The following RARB variants were observed in gnomAD, a reference collection of about 807,000 sequenced individuals.
The protein encoded by RARB is retinoic acid receptor beta.
A neutral mutation model predicts 51.9 loss-of-function variants in RARB; 17 were observed. That is an observed-to-expected ratio of 0.33 (90% CI 0.22 to 0.49). RARB has a LOEUF of 0.49. RARB is among the 20% of genes least tolerant of loss of function. RARB has a pLI of 0.99. For synonymous variants in RARB, 215 were observed against 195.4 expected (o/e 1.10, Z -0.84); for missense variants, 369 against 550.8 (o/e 0.67, Z 3.30).
chr3:25,178,527 AC>A (rs1213948974), intron 5 of RARB, among the ~76,000 whole-genome samples: 2 of 151,564 alleles, frequency 1.3e-5, no homozygotes, highest in Non-Finnish European at 2.9e-5. Context: ...CCAAATCCAG[AC>A]CCCGAGACCC....
chr3:25,022,913 G>A (rs1697668492), intron 2 of RARB, among the ~76,000 whole-genome samples: 1 of 152,166 alleles, frequency 6.6e-6, no homozygotes. Flanking sequence ...CAGAACCTCA[G>A]AGAACTAAGG....
chr3:25,035,420 C>A (rs1024293563), intron 2 of RARB, among the ~76,000 whole-genome samples: 1 of 119,586 alleles, frequency 8.4e-6, no homozygotes, highest in East Asian at 2.2e-4. Context: ...CTGCGTCCAG[C>A]CTTTTTTTTT....
chr3:25,518,707 C>T (rs1034987139), intron 3 of RARB, among the ~76,000 whole-genome samples: 1 of 152,086 alleles, frequency 6.6e-6, no homozygotes, highest in Non-Finnish European at 1.5e-5. Flanking sequence ...TCAAATAATG[C>T]ATTTATGGGT....
At chr3:25,500,828 A>C (rs1559437019) in intron 2 of RARB, among the ~76,000 whole-genome samples, 2 of 152,124 alleles carry the variant, frequency 1.3e-5, no homozygotes, top group African/African-American at 4.8e-5. Flanking sequence ...TTTTCTTGGT[A>C]GTGCGCTCAT....
chr3:25,079,779 T>C (rs1698954402), intron 3 of RARB, among the ~76,000 whole-genome samples: 1 of 152,200 alleles, frequency 6.6e-6, no homozygotes, highest in Non-Finnish European at 1.5e-5. Flanking sequence ...CTCAATTTGC[T>C]AAAGGTTTAA....
chr3:24,840,742 T>TAAAAAAAAAAAAAAAA (rs55771334), intron 1 of RARB, among the ~76,000 whole-genome samples: 1 of 70,342 alleles, frequency 1.4e-5, no homozygotes, highest in Non-Finnish European at 2.7e-5. Flanking sequence ...TGAGTAAGAG[T>TAAAAAAAAAAAAAAAA]AAAAAAAAAA....
At chr3:24,964,154 A>G (rs111349572) in intron 2 of RARB, among the ~76,000 whole-genome samples, 49 of 150,930 alleles carry the variant, frequency 3.2e-4, no homozygotes, top group Admixed American at 2.4e-3. Flanking sequence ...CACATACTGT[A>G]TAAGGTATAA....
chr3:25,558,519 G>A (rs1700146241), intron 3 of RARB, among the ~76,000 whole-genome samples: 1 of 140,168 alleles, frequency 7.1e-6, no homozygotes, highest in African/African-American at 2.7e-5. Flanking sequence ...CCAAGGATTA[G>A]TTCCTGGCCC....
chr3:24,959,827 T>C (rs775173708), intron 2 of RARB, among the ~76,000 whole-genome samples: 1 of 152,222 alleles, frequency 6.6e-6, no homozygotes, highest in Non-Finnish European at 1.5e-5. Context: ...GCACCTAATC[T>C]AAGCACTTTG....
intron 5 of RARB, among the ~76,000 whole-genome samples, chr3:25,584,663 C>T (rs1701313942): frequency 6.6e-6 from 1 of 152,134 alleles, no homozygotes; most frequent in Admixed American, 6.5e-5. Flanking sequence ...GGAGTGGGGC[C>T]TGTGATCGTG....
At chr3:25,390,582 T>A (rs1706922703) in intron 5 of RARB, among the ~76,000 whole-genome samples, 1 of 147,090 alleles carries the variant, frequency 6.8e-6, no homozygotes, top group Non-Finnish European at 1.5e-5. Flanking sequence ...TTCATTTTTT[T>A]CTCTTCAAAA....
chr3:24,873,613 T>C (rs921397109), intron 2 of RARB, among the ~76,000 whole-genome samples: 2 of 151,918 alleles, frequency 1.3e-5, no homozygotes, highest in South Asian at 2.1e-4. Context: ...ATTTAGTACT[T>C]TTTTATTTGG....
intron 5 of RARB, among the ~76,000 whole-genome samples, chr3:25,248,847 A>G (rs1702634577): frequency 6.6e-6 from 1 of 152,036 alleles, no homozygotes; most frequent in Non-Finnish European, 1.5e-5. Flanking sequence ...TAGATTCTTT[A>G]TCTTGCTGTT....
At chr3:25,354,862 C>T (rs1575336370) in intron 5 of RARB, among the ~76,000 whole-genome samples, 1 of 148,208 alleles carries the variant, frequency 6.7e-6, no homozygotes, top group African/African-American at 2.5e-5. Context: ...TTTTGAACCA[C>T]ATACATTTGT....
In RARB at chr3:24,924,360, G is replaced by C. The variant is rs185775183; in HGVS notation, c.-380+65608G>C. 9.9e-4 allele frequency among the ~76,000 whole-genome samples: 150 copies of C among 152,230 alleles called. 2 individuals are homozygous for C. The highest frequency in any genetic ancestry group is 6.8e-3 in the Middle Eastern group (2 of 294). ...ATGGGACAGTCAAATAGGATTTTCT[G>C]TGACACTGGAAATGTTTCATACCTG... On this transcript the variant is annotated intron_variant, in intron 2 of 11. Transcript: ENST00000383772.
Position 25,416,289 on chromosome 3 carries a change from T to G in RARB, c.179-44904T>G, listed in dbSNP as rs558436205. On this transcript the variant is annotated intron_variant, in intron 5 of 11. Transcript: ENST00000383772. ...CTGTAGTCCCAGCTACTTACGGGGTTGAGGCGGGAGGATCGCTTGAGCCTG... is the reference window on the plus strand; with the variant it reads ...CTGTAGTCCCAGCTACTTACGGGGTGGAGGCGGGAGGATCGCTTGAGCCTG... Among the ~76,000 whole-genome samples the G allele has an allele frequency of 2.6e-5, 4 of 152,312 alleles. No homozygotes were observed. In the East Asian group the frequency reaches 7.7e-4, roughly 29 times the overall value.
Position 25,501,331 on chromosome 3 carries a change from G to T in RARB, c.448+8G>T, listed in dbSNP as rs41285065. ...TGGGAATGTCCAAAGAATGTAAGTGGAGTCTCAAAAAACTTTTTCCCTGTT... is the reference window on the plus strand; with the variant it reads ...TGGGAATGTCCAAAGAATGTAAGTGTAGTCTCAAAAAACTTTTTCCCTGTT... On this transcript the variant is annotated splice_region_variant and intron_variant, in intron 3 of 7. Transcript: ENST00000330688. 1.2e-6 allele frequency: 2 copies of T among 1,606,554 alleles called. No homozygotes were observed. The highest frequency in any genetic ancestry group is 1.7e-6 in the Non-Finnish European group (2 of 1,178,220).
chr3:25,417,107 C>T (rs1707724630), intron 5 of RARB, among the ~76,000 whole-genome samples: 1 of 151,906 alleles, frequency 6.6e-6, no homozygotes, highest in South Asian at 2.1e-4. Context: ...CTGAGCCTTT[C>T]CTTAGAAGCC....
intron 5 of RARB, among the ~76,000 whole-genome samples, chr3:25,198,729 C>T (rs553615440): frequency 3.5e-4 from 54 of 152,146 alleles, no homozygotes; most frequent in African/African-American, 1.3e-3. Context: ...CAAATCAAAA[C>T]TACAATGCTG....
Sources: allele counts gnomAD v4.1 joint callset (sites outside exome capture counted in the v4.1 genomes callset), GRCh38; gene constraint gnomAD v4.1.1; transcripts MANE v1.5; gene names NCBI Gene and HGNC (gene_info 2026-07-23, HGNC 2026-07-21).